TOX2: variants seen among roughly 807,000 people sequenced by gnomAD.
TOX2 encodes TOX high mobility group box family member 2, also known as granulosa cell HMG box 1.
TOX2 carries 15 observed loss-of-function variants against 47.4 expected under a neutral mutation model. The ratio of observed to expected loss-of-function variants is 0.32; its 90% CI spans 0.21 to 0.49. The LOEUF is 0.49. Ranked by LOEUF, TOX2 falls within the 20% of genes least tolerant of loss-of-function variation. The probability of loss-of-function intolerance (pLI) is 0.99; values close to 1 mark genes in which losing one functional copy is unlikely to be tolerated. For missense variants in TOX2, 622 were observed against 673.1 expected, an observed-to-expected ratio of 0.92 and a Z score of 0.84; for synonymous variants, 290 against 296.6, an observed-to-expected ratio of 0.98 and a Z score of 0.23.
intron 1 of TOX2, among the ~76,000 whole-genome samples, chr20:43,918,442 G>C (rs556397164): frequency 1.3e-5 from 2 of 152,150 alleles, no homozygotes; most frequent in African/African-American, 4.8e-5. Flanking sequence ...GTCATCCCAG[G>C]AAGTTCCCTC....
At chr20:44,065,004 T>A in intron 6 of TOX2, 147 bp downstream of exon 6, 1 of 671,964 alleles carries the variant, frequency 1.5e-6, no homozygotes, top group Non-Finnish European at 2.5e-6. Context: ...GCAGGGCACC[T>A]ACAGCATGCC....
rs769576681 is a variant in TOX2 at position 44,064,746 on chromosome 20, C to T, written c.880-31C>T. On this transcript the variant is annotated intron_variant, in intron 5 of 8. Coordinates refer to ENST00000341197, the MANE Select transcript of TOX2 (RefSeq NM_001098797.2). Reference sequence around the variant, plus strand: ...ACGGCATCTCCTCTGTAACTTTCTCCCCAGTGTTGCTCATGTGTTGACTCT... The same window carrying T: ...ACGGCATCTCCTCTGTAACTTTCTCTCCAGTGTTGCTCATGTGTTGACTCT... The T allele has an allele frequency of 3.1e-6, 5 of 1,608,614 alleles. No individual in the cohort carries two copies. The South Asian group carries it at 5.5e-5, about 18-fold the overall frequency.
intron 3 of TOX2, among the ~76,000 whole-genome samples, chr20:44,048,813 C>A (rs1285142841): frequency 6.6e-6 from 1 of 151,704 alleles, no homozygotes; most frequent in African/African-American, 2.4e-5. Flanking sequence ...AATGAAGATA[C>A]AATTGTCTGT....
chr20:43,941,932 T>C (rs560054297), intron 1 of TOX2, among the ~76,000 whole-genome samples: 188 of 152,292 alleles, frequency 1.2e-3, no homozygotes, highest in Non-Finnish European at 2.3e-3. Context: ...ATGGGCTTGG[T>C]TGCTACTGTA....
intron 4 of TOX2, among the ~76,000 whole-genome samples, chr20:44,053,908 G>A (rs565724700): frequency 9.9e-5 from 15 of 152,156 alleles, no homozygotes; most frequent in Non-Finnish European, 1.8e-4. Context: ...AATTAACTTT[G>A]CCCGGTAGAG....
Position 44,022,941 on chromosome 20 carries a change from C to A in TOX2, c.411+16149C>A, listed in dbSNP as rs115311736. Reference sequence around the variant, plus strand: ...CTAGTTGTACATTAGTTGGAGTCTACCAAGAAACAGGCACCAGACGGGATT... The same window carrying A: ...CTAGTTGTACATTAGTTGGAGTCTAACAAGAAACAGGCACCAGACGGGATT... On this transcript the variant is annotated intron_variant, in intron 3 of 8. Transcript: ENST00000341197. Among the ~76,000 whole-genome samples, 552 of 150,670 alleles carry A rather than the reference C, an allele frequency of 3.7e-3. 3 individuals carry two copies. Among genetic ancestry groups the A allele is most frequent in the African/African-American group, 0.013 (533 of 40,878 alleles).
At chr20:43,953,521 G>C (rs1266959693) in intron 1 of TOX2, among the ~76,000 whole-genome samples, 1 of 152,156 alleles carries the variant, frequency 6.6e-6, no homozygotes, top group African/African-American at 2.4e-5. Flanking sequence ...GCCTCTCATT[G>C]CTTGGGCTGA....
At chr20:43,947,200 C>T (rs1450048608) in intron 1 of TOX2, among the ~76,000 whole-genome samples, 1 of 152,212 alleles carries the variant, frequency 6.6e-6, no homozygotes, top group Non-Finnish European at 1.5e-5. Flanking sequence ...TATCTCAGCT[C>T]GGCCATAAAT....
Position 43,986,845 on chromosome 20 carries a change from C to T in TOX2, c.165+13413C>T, listed in dbSNP as rs182227482. 2.5e-3 allele frequency among the ~76,000 whole-genome samples: 374 copies of T among 152,186 alleles called. 5 individuals are homozygous for T. Among genetic ancestry groups the T allele is most frequent in the African/African-American group, 8.0e-3 (333 of 41,530 alleles). Reference sequence around the variant, plus strand: ...CTTTGGGAGTCTGAGGTGGGAGGATCGCTTGAGCCCAGGAGTTCAAGACCA... The same window carrying T: ...CTTTGGGAGTCTGAGGTGGGAGGATTGCTTGAGCCCAGGAGTTCAAGACCA... On this transcript the variant is annotated intron_variant, in intron 2 of 8. Transcript: ENST00000341197.
chr20:43,972,489 C>CTAAGATACCTAGG, intron 1 of TOX2, among the ~76,000 whole-genome samples: 1 of 152,170 alleles, frequency 6.6e-6, no homozygotes, highest in African/African-American at 2.4e-5. Flanking sequence ...CTAGGGAACC[C>CTAAGATACCTAGG]TATCTAAGAT....
At chr20:43,973,883 G>A (rs1569050812) in intron 2 of TOX2, among the ~76,000 whole-genome samples, 1 of 152,132 alleles carries the variant, frequency 6.6e-6, no homozygotes, top group African/African-American at 2.4e-5. Context: ...GGGGAGGGTT[G>A]TGGACAGGGC....
At chr20:44,064,367 A>C (rs1323966475) in intron 5 of TOX2, among the ~76,000 whole-genome samples, 2 of 152,242 alleles carry the variant, frequency 1.3e-5, no homozygotes, top group South Asian at 4.1e-4. Context: ...AATAAAAAAT[A>C]TTAGCAAACC....
In TOX2 at chr20:44,066,739, C is replaced by T. The variant is rs753860892; in HGVS notation, c.1366C>T (p.His456Tyr). 1.2e-6 allele frequency: 2 copies of T among 1,614,196 alleles called. No individual in the cohort carries two copies. The highest frequency in any genetic ancestry group is 1.1e-5 in the South Asian group (1 of 91,080). ...CCTTCCCACTCTGTAGGACTTCCCG[C>T]ACATCTCTGAGTTCCCCAGCAGCTC... Reference protein sequence around the residue: ...PSPPGPQDFPHISEFPSSSGS... With the variant: ...PSPPGPQDFPYISEFPSSSGS... Residue 456 changes from histidine to tyrosine, a missense_variant, in exon 8 of 9, where the codon CAC becomes TAC. By Grantham distance (83) the His-to-Tyr change is moderately conservative. This residue lies in a region of TOX2 where 294 missense variants were observed against 300.0 expected (regional missense o/e 0.98). Transcript: ENST00000341197.
chr20:43,957,409 C>A (rs180888452), intron 1 of TOX2, among the ~76,000 whole-genome samples: 9 of 152,228 alleles, frequency 5.9e-5, no homozygotes, highest in African/African-American at 2.2e-4. Context: ...TTTGGCTTTG[C>A]CACTTTCTGT....
intron 1 of TOX2, chr20:43,955,241 G>A (rs1600679679): frequency 1.5e-5 from 15 of 985,440 alleles, no homozygotes; most frequent in Middle Eastern, 5.2e-4. Flanking sequence ...GAAACTGCAC[G>A]AGTTCTGGCT....
At chr20:43,937,985 C>G (rs2069349482) in intron 1 of TOX2, among the ~76,000 whole-genome samples, 2 of 152,302 alleles carry the variant, frequency 1.3e-5, no homozygotes, top group Admixed American at 6.5e-5. Flanking sequence ...CTGCCCAGTC[C>G]TGAGCCTCCG....
intron 2 of TOX2, among the ~76,000 whole-genome samples, chr20:44,001,686 CA>C (rs2070585645): frequency 2.6e-4 from 4 of 15,668 alleles, no homozygotes; most frequent in African/African-American, 1.7e-3. Flanking sequence ...TTCTCTGTGC[CA>C]GCACCTGCTC....
Position 43,916,126 on chromosome 20 carries a change from C to T in TOX2, c.99+1136C>T. ...CCGGCTGGAGCCAAGCGCGGGTTTT[C>T]GTCACTCGGAGCCCGGATTGAACAG... On this transcript the variant is annotated intron_variant, in intron 1 of 8. Transcript: ENST00000341197. This position sits in a 1 kb window ranked among gnomAD's most constrained non-coding sequence, Gnocchi z 5.0. The T allele has an allele frequency of 1.6e-5, 16 of 985,520 alleles. No individual in the cohort carries two copies. Among genetic ancestry groups the T allele is most frequent in the Non-Finnish European group, 1.8e-5 (15 of 829,958 alleles). The allele number at this position is 985,520 out of a possible 1,614,324, so 61.0% of individuals were successfully genotyped here.
At chr20:44,043,409 G>A (rs552745547) in intron 3 of TOX2, among the ~76,000 whole-genome samples, 215 of 152,296 alleles carry the variant, frequency 1.4e-3, no homozygotes, top group African/African-American at 4.8e-3. Flanking sequence ...CCACTATTCT[G>A]CAGTGAGTGT....
Sources: gnomAD v4.1 joint callset for allele counts (sites outside exome capture counted in the v4.1 genomes callset) on GRCh38, gnomAD v4.1.1 for gene constraint, gnomAD v4.1.1 regional missense constraint, Gnocchi (gnomAD v3.1) non-coding constraint, MANE v1.5 for transcripts, NCBI Gene and HGNC (gene_info 2026-07-23, HGNC 2026-07-21) for gene names.